The following POM121C variants were observed in gnomAD, a reference collection of about 807,000 sequenced individuals.
The protein encoded by POM121C is nuclear envelope pore membrane protein POM 121C.
POM121C carries 20 observed loss-of-function variants against 66.4 expected under a neutral mutation model. That is an observed-to-expected ratio of 0.30 (90% CI 0.21 to 0.44). The LOEUF (loss-of-function observed/expected upper bound fraction) is 0.44, where lower values mean the gene tolerates loss of function less well. POM121C is among the 20% of genes least tolerant of loss of function. The probability of loss-of-function intolerance (pLI) is 1.00; values close to 1 mark genes in which losing one functional copy is unlikely to be tolerated. For missense variants in POM121C, 580 were observed against 1,225.7 expected (o/e 0.47, Z 7.87); for synonymous variants, 286 against 528.0 (o/e 0.54, Z 6.28).
intron 7 of POM121C, among the ~76,000 whole-genome samples, chr7:75,430,229 A>G (rs1279846326): frequency 6.6e-6 from 1 of 152,200 alleles, no homozygotes; most frequent in Non-Finnish European, 1.5e-5. Context: ...CTGAAAAGAA[A>G]TGAGAAAGGG....
Position 75,435,748 on chromosome 7 carries a change from T to C in POM121C, c.480+1767A>G, listed in dbSNP as rs145115252. Among the ~76,000 whole-genome samples, 150 of 152,338 alleles carry C rather than the reference T, an allele frequency of 9.8e-4. 2 individuals are homozygous for C. Among genetic ancestry groups the C allele is most frequent in the African/African-American group, 2.5e-3 (105 of 41,564 alleles). ...GACAGTGTTAATAATGACACTGATA[T>C]TGCTATTTTGAAATTGCATGGCCAG... On this transcript the variant is annotated intron_variant, in intron 7 of 14. Transcript: ENST00000615331.
Position 75,418,853 on chromosome 7 carries a change from C to G in POM121C, c.2907G>C (p.Lys969Asn), listed in dbSNP as rs1431327048. 6.2e-7 allele frequency: 1 copy of G among 1,611,900 alleles called. No individual in the cohort carries two copies. The change falls in exon 15 of 15, where the codon AAG (lysine) becomes AAC (asparagine). Residue 969 changes from lysine to asparagine, a missense_variant. Lys to Asn is a moderately conservative substitution (Grantham distance 94). Coordinates refer to ENST00000615331, the MANE Select transcript of POM121C (RefSeq NM_001099415.3). The stretch of plus-strand genomic sequence containing the variant: ...GCAGTCGCTGTCGAGCCCCTGGGGT[C>G]TTGGATCCCGCACCAATGGAAAATG... ...APSFSIGAGS[K>N]TPGARQRLQA... is the part of the protein sequence containing the mutation.
At chr7:75,421,454 C>G (rs1554470599) in intron 13 of POM121C, 55 bp downstream of exon 13, 2 of 1,608,552 alleles carry the variant, frequency 1.2e-6, no homozygotes, top group Non-Finnish European at 1.7e-6. Context: ...ACAGGCTTCA[C>G]AGGCACAGCT....
intron 3 of POM121C, among the ~76,000 whole-genome samples, chr7:75,469,492 C>T (rs1206305579): frequency 1.3e-5 from 2 of 152,258 alleles, no homozygotes; most frequent in East Asian, 3.9e-4. Context: ...TGGAGTGCTG[C>T]CTTATAACCA....
chr7:75,465,332 G>A (rs1386487618), intron 3 of POM121C, among the ~76,000 whole-genome samples: 1 of 151,854 alleles, frequency 6.6e-6, no homozygotes, highest in African/African-American at 2.4e-5. Context: ...TGGACTGGGT[G>A]TGGTGGCTCA....
intron 7 of POM121C, among the ~76,000 whole-genome samples, chr7:75,431,151 C>T (rs1790160883): frequency 6.7e-6 from 1 of 149,864 alleles, no homozygotes; most frequent in South Asian, 2.1e-4. Flanking sequence ...ATACAAATAG[C>T]CAATAAACAG....
intron 1 of POM121C, among the ~76,000 whole-genome samples, chr7:75,485,296 T>G: frequency 6.6e-6 from 1 of 152,030 alleles, no homozygotes; most frequent in African/African-American, 2.4e-5. Context: ...CACCTAATAA[T>G]CTTCTATTAA....
intron 7 of POM121C, among the ~76,000 whole-genome samples, chr7:75,435,276 G>T (rs1307904307): frequency 2.6e-5 from 4 of 152,146 alleles, no homozygotes; most frequent in African/African-American, 9.7e-5. Flanking sequence ...ATGTGAAAAA[G>T]CAAGGTTCAA....
chr7:75,443,639 T>TAAC (rs1790741947), intron 3 of POM121C, among the ~76,000 whole-genome samples: 2 of 119,022 alleles, frequency 1.7e-5, no homozygotes, highest in Non-Finnish European at 3.5e-5. Context: ...ATCAGTGTGA[T>TAAC]AACGGGAACA....
At chr7:75,444,282 T>G (rs2116425013) in intron 3 of POM121C, among the ~76,000 whole-genome samples, 1 of 120,748 alleles carries the variant, frequency 8.3e-6, no homozygotes, top group Non-Finnish European at 1.8e-5. Flanking sequence ...GAGGGGGGAC[T>G]GTGTTGCTTA....
At position 75,441,653 on chromosome 7, in the gene POM121C, G is replaced by C; in HGVS notation, c.-151-6C>G. 6.5e-7 allele frequency: 1 copy of C among 1,539,904 alleles called. No homozygotes were observed. Among genetic ancestry groups the C allele is most frequent in the South Asian group, 1.2e-5 (1 of 83,926 alleles). On this transcript the variant is annotated splice_region_variant and splice_polypyrimidine_tract_variant and intron_variant, in intron 3 of 14. Coordinates refer to ENST00000615331, the MANE Select transcript of POM121C (RefSeq NM_001099415.3). ...CTGGTAAAGTCCCACGATCCCTGCA[G>C]AGAATGCGAGACAAATCATGGAAAC...
chr7:75,479,634 A>G (rs1367554269), intron 1 of POM121C, among the ~76,000 whole-genome samples: 1 of 147,654 alleles, frequency 6.8e-6, no homozygotes, highest in Non-Finnish European at 1.5e-5. Flanking sequence ...TAAATAAATA[A>G]ATAAATAAAT....
At chr7:75,438,337 C>A (rs1790495032) in intron 6 of POM121C, among the ~76,000 whole-genome samples, 1 of 152,232 alleles carries the variant, frequency 6.6e-6, no homozygotes, top group Non-Finnish European at 1.5e-5. Flanking sequence ...TGAAGTCAAA[C>A]AGAGCAAGTT....
intron 3 of POM121C, among the ~76,000 whole-genome samples, chr7:75,468,924 A>C (rs1480688741): frequency 3.9e-5 from 6 of 152,142 alleles, no homozygotes; most frequent in African/African-American, 1.4e-4. Flanking sequence ...TGCAAGACCA[A>C]ATTCCCAATT....
chr7:75,421,892 G>A lies in POM121C; in HGVS notation c.2360C>T (p.Pro787Leu). ...LKATASAFGA[P>L]ASSQPAFGGS... ...GCCAAAGGCGGGCTGTGAGCTGGCG[G>A]GAGCGCCGAAGGCGGAAGCCGTGGC... The change falls in exon 13 of 15, where the codon CCC becomes CTC. Residue 787 changes from proline (P) to leucine (L), a missense_variant. Coordinates refer to ENST00000615331, the MANE Select transcript of POM121C (RefSeq NM_001099415.3). The A allele has an allele frequency of 6.2e-7, 1 of 1,612,506 alleles. No individual in the cohort carries two copies. Among genetic ancestry groups the A allele is most frequent in the Middle Eastern group, 1.7e-4 (1 of 5,778 alleles).
At chr7:75,473,765 T>G (rs1266145169) in intron 3 of POM121C, among the ~76,000 whole-genome samples, 3 of 151,606 alleles carry the variant, frequency 2.0e-5, no homozygotes, top group African/African-American at 7.3e-5. Context: ...CTCGGCTCAC[T>G]GCAAGCTCCG....
chr7:75,478,927 AT>A lies in POM121C; in HGVS notation c.-457-3740del, dbSNP rs1484872777. 1.3e-3 allele frequency among the ~76,000 whole-genome samples: 185 copies of A among 146,364 alleles called. 1 individual carries two copies. The highest frequency in any genetic ancestry group is 3.4e-3 in the Middle Eastern group (1 of 292). On this transcript the variant is annotated intron_variant, in intron 1 of 14. Transcript: ENST00000615331. ...TCCCCAAAACAGAAACATGAAAAAA[AT>A]GATACCATGACATATTGCAATCAAA...
chr7:75,482,893 A>G, intron 1 of POM121C, among the ~76,000 whole-genome samples: 1 of 152,206 alleles, frequency 6.6e-6, no homozygotes, highest in Non-Finnish European at 1.5e-5. Flanking sequence ...CTGCAATTAA[A>G]TCACTGGTCA....
chr7:75,456,753 A>G (rs1208008177), intron 3 of POM121C, among the ~76,000 whole-genome samples: 1 of 152,132 alleles, frequency 6.6e-6, no homozygotes, highest in Non-Finnish European at 1.5e-5. Flanking sequence ...TTATCAAGAC[A>G]ACAATTTTCA....
Sources: allele counts gnomAD v4.1 joint callset (sites outside exome capture counted in the v4.1 genomes callset), GRCh38; gene constraint gnomAD v4.1.1; transcripts MANE v1.5; gene names NCBI Gene and HGNC (gene_info 2026-07-23, HGNC 2026-07-21).